The following VPS13B variants were observed in gnomAD, a reference collection of about 807,000 sequenced individuals.
The protein encoded by VPS13B is intermembrane lipid transfer protein VPS13B.
A neutral mutation model predicts 426.4 loss-of-function variants in VPS13B; 285 were observed. That is an observed-to-expected ratio of 0.67 (90% CI 0.61 to 0.74). The LOEUF (loss-of-function observed/expected upper bound fraction) is 0.74, where lower values mean the gene tolerates loss of function less well. Ranked by LOEUF, VPS13B falls within the 30% of genes least tolerant of loss-of-function variation. VPS13B has a pLI of 0.00. For missense variants in VPS13B, 4,537 were observed against 4,782.6 expected (o/e 0.95, Z 1.51); for synonymous variants, 1,676 against 1,676.4 (o/e 1.00, Z 0.01).
rs569894769 is a variant in VPS13B, at chr8:99,257,605, T to G, written c.2516-16593T>G. 5.9e-5 allele frequency among the ~76,000 whole-genome samples: 9 copies of G among 152,336 alleles called. No individual in the cohort carries two copies. The East Asian group carries it at 1.7e-3, about 29-fold the overall frequency. On this transcript the variant is annotated intron_variant, in intron 17 of 61. Transcript: ENST00000357162. ...ACACACGATGTTTAAAATATAGTTT[T>G]GTCTTTATTATGACTTCTTTTATTT...
At chr8:99,099,959 T>C (rs1846637889) in intron 4 of VPS13B, among the ~76,000 whole-genome samples, 1 of 152,196 alleles carries the variant, frequency 6.6e-6, no homozygotes, top group Non-Finnish European at 1.5e-5. Flanking sequence ...TGTGACTTTC[T>C]ATTTTCAGAT....
chr8:99,023,004 T>TC (rs1563488341), intron 2 of VPS13B, among the ~76,000 whole-genome samples: 1 of 151,962 alleles, frequency 6.6e-6, no homozygotes, highest in African/African-American at 2.4e-5. Context: ...TTTTTTTTTT[T>TC]CTTTTGGACA....
At chr8:99,461,838 A>C (rs147578321) in intron 23 of VPS13B, among the ~76,000 whole-genome samples, 1 of 152,160 alleles carries the variant, frequency 6.6e-6, no homozygotes, top group African/African-American at 2.4e-5. Flanking sequence ...CAGAGCTTTT[A>C]TCAACATTGA....
chr8:99,696,421 G>T (rs1031074776), intron 35 of VPS13B: 4 of 347,490 alleles, frequency 1.2e-5, no homozygotes, highest in South Asian at 1.0e-4. Context: ...GCACATCCTT[G>T]ACAGCCACAC....
At chr8:99,770,827 G>A (rs1811452647) in intron 40 of VPS13B, among the ~76,000 whole-genome samples, 2 of 152,166 alleles carry the variant, frequency 1.3e-5, no homozygotes, top group Admixed American at 6.6e-5. Flanking sequence ...AAGAAGGTGG[G>A]GAATGGTAGA....
chr8:99,358,545 C>T (rs377729224), intron 19 of VPS13B, among the ~76,000 whole-genome samples: 5 of 152,124 alleles, frequency 3.3e-5, no homozygotes, highest in African/African-American at 7.2e-5. Flanking sequence ...AATATTTATT[C>T]GAAAAGATTA....
At chr8:99,204,571 C>T (rs575373140) in intron 17 of VPS13B, among the ~76,000 whole-genome samples, 41 of 152,106 alleles carry the variant, frequency 2.7e-4, no homozygotes, top group Admixed American at 2.2e-3. Flanking sequence ...CGTGAACAGG[C>T]AATCTACAGA....
At chr8:99,353,653 T>C (rs1296194654) in intron 19 of VPS13B, among the ~76,000 whole-genome samples, 2 of 151,998 alleles carry the variant, frequency 1.3e-5, no homozygotes, top group African/African-American at 4.8e-5. Flanking sequence ...GCTTATGTTA[T>C]TACTTATTAA....
intron 19 of VPS13B, among the ~76,000 whole-genome samples, chr8:99,313,254 G>T (rs1821114473): frequency 6.6e-6 from 1 of 152,134 alleles, no homozygotes; most frequent in Non-Finnish European, 1.5e-5. Flanking sequence ...CTGATTTTTA[G>T]AATTTTCAGC....
At chr8:99,080,286 T>C (rs76597187) in intron 3 of VPS13B, among the ~76,000 whole-genome samples, 2 of 152,124 alleles carry the variant, frequency 1.3e-5, no homozygotes, top group East Asian at 3.9e-4. Flanking sequence ...TTTTCTTGCT[T>C]TTGTATTTTT....
At chr8:99,510,292 A>AT (rs1337415516) in intron 28 of VPS13B, among the ~76,000 whole-genome samples, 2 of 152,044 alleles carry the variant, frequency 1.3e-5, no homozygotes, top group African/African-American at 4.8e-5. Context: ...GAAAAACTCC[A>AT]TTTTCACAAA....
intron 19 of VPS13B, among the ~76,000 whole-genome samples, chr8:99,292,525 T>C (rs1300047319): frequency 6.6e-6 from 1 of 152,128 alleles, no homozygotes; most frequent in African/African-American, 2.4e-5. Flanking sequence ...TCTATTACTT[T>C]TAATGATTAT....
intron 31 of VPS13B, among the ~76,000 whole-genome samples, chr8:99,561,649 A>T (rs1043271728): frequency 6.6e-6 from 1 of 152,206 alleles, no homozygotes; most frequent in Non-Finnish European, 1.5e-5. Flanking sequence ...AGGCCAATGT[A>T]AGTGTTCTGA....
chr8:99,345,277 G>A (rs1417963226), intron 19 of VPS13B, among the ~76,000 whole-genome samples: 4 of 152,044 alleles, frequency 2.6e-5, no homozygotes, highest in African/African-American at 9.7e-5. Flanking sequence ...AAGTGTTATA[G>A]TTCTTGGTAT....
At chr8:99,607,093 AAC>A (rs1491486643) in intron 33 of VPS13B, among the ~76,000 whole-genome samples, 1 of 152,202 alleles carries the variant, frequency 6.6e-6, no homozygotes, top group Non-Finnish European at 1.5e-5. Flanking sequence ...ATTTGTAAAA[AAC>A]ACAGTATCTG....
chr8:99,458,886 G>T (rs1462044779), intron 23 of VPS13B, among the ~76,000 whole-genome samples: 1 of 152,084 alleles, frequency 6.6e-6, no homozygotes, highest in Non-Finnish European at 1.5e-5. Flanking sequence ...TCACTCTGAT[G>T]GTAGTTTCTT....
At chr8:99,687,076 T>C (rs548861591) in intron 35 of VPS13B, among the ~76,000 whole-genome samples, 2 of 152,106 alleles carry the variant, frequency 1.3e-5, no homozygotes, top group South Asian at 4.1e-4. Context: ...AGTCAGCAGG[T>C]GATGAATCCT....
At chr8:99,226,012 TCAGCTCACTGC>T (rs1815995737) in intron 17 of VPS13B, among the ~76,000 whole-genome samples, 1 of 152,136 alleles carries the variant, frequency 6.6e-6, no homozygotes, top group South Asian at 2.1e-4. Context: ...TGGTGCGATC[TCAGCTCACTGC>T]CAGCTCGGCC....
intron 16 of VPS13B, among the ~76,000 whole-genome samples, chr8:99,190,911 T>TTAA (rs1401909956): frequency 6.6e-6 from 1 of 152,166 alleles, no homozygotes; most frequent in Non-Finnish European, 1.5e-5. Flanking sequence ...CCACAAATAT[T>TTAA]TCCATCTGGT....
Sources: gnomAD v4.1 joint callset for allele counts (sites outside exome capture counted in the v4.1 genomes callset) on GRCh38, gnomAD v4.1.1 for gene constraint, MANE v1.5 for transcripts, NCBI Gene and HGNC (gene_info 2026-07-23, HGNC 2026-07-21) for gene names.